PTPN14: variants seen among roughly 807,000 people sequenced by gnomAD.
The protein encoded by PTPN14 is protein tyrosine phosphatase non-receptor type 14, also known as tyrosine-protein phosphatase non-receptor type 14.
Under a neutral mutation model 126.8 loss-of-function variants are expected in PTPN14, and 53 were observed. The ratio of observed to expected loss-of-function variants is 0.42; its 90% CI spans 0.34 to 0.53. The LOEUF (loss-of-function observed/expected upper bound fraction) is 0.53, where lower values mean the gene tolerates loss of function less well. Ranked by LOEUF, PTPN14 falls within the 20% of genes least tolerant of loss-of-function variation. PTPN14 has a pLI of 0.08. For synonymous variants in PTPN14, 630 were observed against 599.3 expected, an observed-to-expected ratio of 1.05 and a Z score of -0.75; for missense variants, 1,257 against 1,552.9, an observed-to-expected ratio of 0.81 and a Z score of 3.20.
At chr1:214,535,209 C>T (rs953635734) in intron 1 of PTPN14, among the ~76,000 whole-genome samples, 1 of 152,096 alleles carries the variant, frequency 6.6e-6, no homozygotes, top group Non-Finnish European at 1.5e-5. Context: ...ACATCTATAT[C>T]GCCACATCTT....
chr1:214,458,599 A>G (rs1394463339), intron 2 of PTPN14, among the ~76,000 whole-genome samples: 1 of 111,214 alleles, frequency 9.0e-6, no homozygotes, highest in African/African-American at 3.8e-5. Flanking sequence ...CAGATAAGAA[A>G]ACTGAGGCAC....
chr1:214,361,060 C>T (rs1441514171), intron 18 of PTPN14, among the ~76,000 whole-genome samples: 1 of 152,186 alleles, frequency 6.6e-6, no homozygotes, highest in East Asian at 1.9e-4. Context: ...TGAGGCCTCC[C>T]AGCCATGCTT....
At chr1:214,408,470 C>G (rs1571981132) in intron 5 of PTPN14, among the ~76,000 whole-genome samples, 1 of 152,134 alleles carries the variant, frequency 6.6e-6, no homozygotes, top group East Asian at 1.9e-4. Flanking sequence ...GGGTTAAAAC[C>G]TAGTCTTATC....
At chr1:214,544,965 A>G (rs1261198223) in intron 1 of PTPN14, among the ~76,000 whole-genome samples, 1 of 152,016 alleles carries the variant, frequency 6.6e-6, no homozygotes, top group African/African-American at 2.4e-5. Flanking sequence ...GTTGACCACA[A>G]AGAGGTTAAG....
rs138665656 is a variant in PTPN14, at chr1:214,539,037, A to G, written c.-155+12146T>C. On this transcript the variant is annotated intron_variant, in intron 1 of 18. Transcript: ENST00000366956. ...ATTTGCTCTTGTTATGTGCTACAAA[A>G]CACAAAAGTCTAGCTATTTAAAAAA... is the stretch of plus-strand genomic sequence containing the variant. 2.5e-3 allele frequency among the ~76,000 whole-genome samples: 385 copies of G among 152,288 alleles called. 2 individuals are homozygous for G. Among genetic ancestry groups the G allele is most frequent in the African/African-American group, 8.6e-3 (357 of 41,562 alleles).
chr1:214,423,145 G>T (rs939629711), intron 3 of PTPN14, among the ~76,000 whole-genome samples: 8 of 151,910 alleles, frequency 5.3e-5, no homozygotes, highest in South Asian at 4.2e-4. Context: ...AAGAGGGAAA[G>T]GGGGGAGGGA....
chr1:214,389,463 G>A (rs1658700868), intron 11 of PTPN14, among the ~76,000 whole-genome samples: 1 of 152,132 alleles, frequency 6.6e-6, no homozygotes, highest in Non-Finnish European at 1.5e-5. Flanking sequence ...GACAGAAGAG[G>A]GCAGGTGAAA....
In PTPN14 at chr1:214,464,784, A is replaced by C; in HGVS notation, c.20T>G (p.Leu7Arg). The change falls in exon 2 of 19, where the codon CTC becomes CGC. Residue 7 changes from leucine (L) to arginine (R), a missense_variant. Physicochemically the swap from Leu to Arg is moderately radical, Grantham distance 102. Around this residue, in one of 3 missense-constraint regions of PTPN14, gnomAD observed 1,021 missense variants for 1,183.3 expected, o/e 0.86. Coordinates refer to ENST00000366956, the MANE Select transcript of PTPN14 (RefSeq NM_005401.5). Reference protein sequence around the residue: MPFGLKLRRTRRYNVLS... With the variant: MPFGLKRRRTRRYNVLS... Reference sequence around the variant, plus strand: ...GACGTTGTAGCGCCGTGTCCGGCGGAGCTTCAGACCAAAAGGCATGGCTAT... The same window carrying C: ...GACGTTGTAGCGCCGTGTCCGGCGGCGCTTCAGACCAAAAGGCATGGCTAT... The C allele has an allele frequency of 6.2e-7, 1 of 1,614,250 alleles. No homozygotes were observed.
At chr1:214,527,137 G>A (rs1016736413) in intron 1 of PTPN14, among the ~76,000 whole-genome samples, 2 of 152,126 alleles carry the variant, frequency 1.3e-5, no homozygotes, top group African/African-American at 4.8e-5. Context: ...GCAAGAAGGT[G>A]CGGATCTCAG....
rs143136196 is a variant in PTPN14 at position 214,383,705 on chromosome 1, G to GCCTCCT, written c.2144_2149dup (p.Glu715_Glu716dup). 1.2e-6 allele frequency: 2 copies of GCCTCCT among 1,611,624 alleles called. No homozygotes were observed. The highest frequency in any genetic ancestry group is 1.7e-6 in the Non-Finnish European group (2 of 1,178,892). ...GGGGATCTGGGGCACCGATTCTGGA[G>GCCTCCT]CCTCCTCCTCCTCCTCCTCACTCTC... On this transcript the variant is annotated inframe_insertion, in exon 13 of 19. Transcript: ENST00000366956. This position sits in a 1 kb window ranked among gnomAD's most constrained non-coding sequence, Gnocchi z 4.4.
intron 3 of PTPN14, among the ~76,000 whole-genome samples, chr1:214,419,358 G>A (rs923681129): frequency 5.9e-5 from 9 of 152,164 alleles, no homozygotes; most frequent in African/African-American, 1.7e-4. Flanking sequence ...CCATAGGCAC[G>A]GTCAGTAGGG....
At chr1:214,380,432 C>T (rs1658446453) in intron 13 of PTPN14, among the ~76,000 whole-genome samples, 1 of 152,146 alleles carries the variant, frequency 6.6e-6, no homozygotes, top group East Asian at 1.9e-4. Flanking sequence ...AATAATAATT[C>T]ACAAGCTCTG....
intron 16 of PTPN14, chr1:214,372,496 T>C (rs1226872093): frequency 4.8e-6 from 3 of 623,560 alleles, no homozygotes; most frequent in Non-Finnish European, 8.0e-6. Flanking sequence ...CAGATGAAAA[T>C]GGGAGGAGGA....
At chr1:214,428,365 G>A (rs1264257751) in intron 3 of PTPN14, among the ~76,000 whole-genome samples, 1 of 152,126 alleles carries the variant, frequency 6.6e-6, no homozygotes, top group Non-Finnish European at 1.5e-5. Context: ...ACAGATTTGG[G>A]GGAAACGGAT....
At chr1:214,386,681 C>T (rs1658622470) in intron 12 of PTPN14, among the ~76,000 whole-genome samples, 163 bp downstream of exon 12, 1 of 152,234 alleles carries the variant, frequency 6.6e-6, no homozygotes, top group Non-Finnish European at 1.5e-5. Context: ...AGGTAACTGA[C>T]AGTCTAGGCC....
At chr1:214,363,029 T>C (rs1657992684) in intron 18 of PTPN14, among the ~76,000 whole-genome samples, 1 of 152,222 alleles carries the variant, frequency 6.6e-6, no homozygotes. Flanking sequence ...TTACTCATTG[T>C]TCTAGAGATT....
chr1:214,518,873 T>C (rs763348316), intron 1 of PTPN14, among the ~76,000 whole-genome samples: 10 of 152,214 alleles, frequency 6.6e-5, no homozygotes, highest in South Asian at 2.1e-4. Context: ...TTGAGGAAAA[T>C]GTCCTAAGAA....
At chr1:214,485,150 A>G (rs575223292) in intron 1 of PTPN14, among the ~76,000 whole-genome samples, 1 of 152,350 alleles carries the variant, frequency 6.6e-6, no homozygotes, top group South Asian at 2.1e-4. Context: ...GTGGAGGAGA[A>G]GATGGAGCAT....
At chr1:214,426,607 A>G (rs1402725011) in intron 3 of PTPN14, among the ~76,000 whole-genome samples, 3 of 152,172 alleles carry the variant, frequency 2.0e-5, no homozygotes, top group Non-Finnish European at 4.4e-5. Flanking sequence ...GGACATGGGT[A>G]GAGGGATGGA....
Sources: allele counts gnomAD v4.1 joint callset (sites outside exome capture counted in the v4.1 genomes callset), GRCh38; gene constraint gnomAD v4.1.1; regional missense constraint gnomAD v4.1.1; non-coding constraint Gnocchi (gnomAD v3.1); transcripts MANE v1.5; gene names NCBI Gene and HGNC (gene_info 2026-07-23, HGNC 2026-07-21).